Variants in LRCH2 observed in about 807,000 individuals in gnomAD.
LRCH2 encodes leucine-rich repeat and calponin homology domain-containing protein 2.
LRCH2 carries 38 observed loss-of-function variants against 68.9 expected under a neutral mutation model. The ratio of observed to expected loss-of-function variants is 0.55; its 90% confidence interval spans 0.43 to 0.72. The LOEUF (loss-of-function observed/expected upper bound fraction) is 0.72. Ranked by LOEUF, LRCH2 falls within the 30% of genes least tolerant of loss-of-function variation. The pLI is 0.00. For synonymous variants in LRCH2, 191 were observed against 208.1 expected (o/e 0.92, Z 0.71); for missense variants, 528 against 572.9 (o/e 0.92, Z 0.80).
At chrX:115,213,809 A>G (rs1211462689) in intron 1 of LRCH2, among the ~76,000 whole-genome samples, 1 of 111,943 alleles carries the variant, frequency 8.9e-6, no homozygotes, top group East Asian at 2.8e-4. Context: ...TGAATCTACT[A>G]CTACCTATTA....
At chrX:115,118,265 C>T (rs1025382650) in intron 20 of LRCH2, among the ~76,000 whole-genome samples, 26 of 108,882 alleles carry the variant, frequency 2.4e-4, no homozygotes, top group African/African-American at 6.7e-4. Context: ...ATTGATAAAC[C>T]GCTAGCAAGA....
intron 14 of LRCH2, among the ~76,000 whole-genome samples, chrX:115,147,875 G>A (rs994706906): frequency 3.6e-5 from 4 of 110,455 alleles, no homozygotes; most frequent in African/African-American, 1.3e-4. Flanking sequence ...AACATAATAA[G>A]ATCTCACCTC....
At chrX:115,223,297 T>G (rs184639998) in intron 1 of LRCH2, among the ~76,000 whole-genome samples, 14 of 111,646 alleles carry the variant, frequency 1.3e-4, no homozygotes, top group Admixed American at 1.1e-3. Context: ...TCCTTAGACA[T>G]GACACAAAAA....
intron 12 of LRCH2, among the ~76,000 whole-genome samples, chrX:115,154,996 G>A (rs1163728805): frequency 3.6e-5 from 3 of 84,035 alleles, no homozygotes; most frequent in South Asian, 6.8e-4. Context: ...TCTCATCTCC[G>A]CGCCACTGCA....
intron 5 of LRCH2, among the ~76,000 whole-genome samples, chrX:115,173,337 T>C (rs2072619613): frequency 9.0e-6 from 1 of 111,388 alleles, no homozygotes; most frequent in Non-Finnish European, 1.9e-5. Flanking sequence ...TTAGTACTGA[T>C]TAAATTACAA....
chrX:115,119,544 T>C (rs1556525109), intron 20 of LRCH2, among the ~76,000 whole-genome samples: 1 of 69,681 alleles, frequency 1.4e-5, no homozygotes, highest in Admixed American at 1.8e-4. Flanking sequence ...GGAAGAACAT[T>C]CCATGCTCAT....
intron 1 of LRCH2, among the ~76,000 whole-genome samples, chrX:115,227,176 C>A (rs1415627496): frequency 9.1e-6 from 1 of 110,171 alleles, no homozygotes; most frequent in African/African-American, 3.3e-5. Context: ...ATAGTCCAAG[C>A]TACTCAGCAG....
At chrX:115,146,847 T>G (rs1339937851) in intron 14 of LRCH2, among the ~76,000 whole-genome samples, 1 of 103,038 alleles carries the variant, frequency 9.7e-6, no homozygotes, top group Admixed American at 1.1e-4. Flanking sequence ...CTGAAAAAAA[T>G]ACTATCCAAA....
intron 3 of LRCH2, among the ~76,000 whole-genome samples, chrX:115,181,535 T>C (rs1556552717): frequency 2.7e-5 from 3 of 112,310 alleles, no homozygotes; most frequent in African/African-American, 3.2e-5. Context: ...CAGTGGGTGC[T>C]CTACAAAATA....
chrX:115,115,825 G>C (rs1227745876), intron 20 of LRCH2, among the ~76,000 whole-genome samples: 1 of 108,831 alleles, frequency 9.2e-6, no homozygotes, highest in Non-Finnish European at 1.9e-5. Flanking sequence ...TTTGTATCCA[G>C]AATACATAAG....
chrX:115,212,493 T>A (rs896977116), intron 1 of LRCH2, among the ~76,000 whole-genome samples: 5 of 112,020 alleles, frequency 4.5e-5, no homozygotes, highest in African/African-American at 1.6e-4. Context: ...CTTTGGTTTG[T>A]TTCTGTTTTC....
intron 1 of LRCH2, chrX:115,190,913 A>C: frequency 8.6e-7 from 1 of 1,163,938 alleles, no homozygotes; most frequent in Non-Finnish European, 1.1e-6. Context: ...CCCGAGGCCT[A>C]CAGTGGGGGC....
intron 5 of LRCH2, among the ~76,000 whole-genome samples, chrX:115,175,163 T>C (rs1186538165): frequency 5.4e-5 from 6 of 111,778 alleles, no homozygotes; most frequent in African/African-American, 2.0e-4. Context: ...TCATTGAGGT[T>C]CAGAAAATGA....
intron 20 of LRCH2, among the ~76,000 whole-genome samples, chrX:115,117,827 A>T (rs2072096693): frequency 9.0e-6 from 1 of 110,920 alleles, no homozygotes; most frequent in African/African-American, 3.3e-5. Context: ...TTTGGGGGGC[A>T]GTAGATATGT....
intron 5 of LRCH2, among the ~76,000 whole-genome samples, chrX:115,170,805 T>C (rs1207210279): frequency 8.9e-6 from 1 of 111,773 alleles, no homozygotes; most frequent in Admixed American, 9.5e-5. Flanking sequence ...ACAAATAATC[T>C]ATGTGATTCT....
In LRCH2 at chrX:115,207,650, G is replaced by C. The variant is rs1175836959; in HGVS notation, c.350-19280C>G. 7.2e-5 allele frequency among the ~76,000 whole-genome samples: 8 copies of C among 111,681 alleles called. No individual in the cohort carries two copies. The East Asian group carries it at 2.0e-3, about 27-fold the overall frequency. ...CTTCTTAGGCAACAAACAGCACTTG[G>C]GAAAAGACAATTATAAAAATGGTTC... is the stretch of plus-strand genomic sequence containing the variant. On this transcript the variant is annotated intron_variant, in intron 1 of 20. Transcript: ENST00000317135.
chrX:115,233,071 G>A (rs782410933), intron 1 of LRCH2, among the ~76,000 whole-genome samples: 1 of 112,114 alleles, frequency 8.9e-6, no homozygotes, highest in African/African-American at 3.2e-5. Context: ...AAGCAGACAT[G>A]TAAGTGATTG....
intron 1 of LRCH2, chrX:115,189,978 C>T (rs782820825): frequency 6.5e-5 from 76 of 1,162,217 alleles, no homozygotes; most frequent in Middle Eastern, 2.3e-4. Flanking sequence ...GTGGAATGCG[C>T]GGGAAGGCAC....
chrX:115,175,991 T>C (rs1393947098), intron 5 of LRCH2, among the ~76,000 whole-genome samples: 1 of 111,916 alleles, frequency 8.9e-6, no homozygotes, highest in African/African-American at 3.2e-5. Context: ...ACCTGTAGGA[T>C]CTGATGTTAA....
Sources: gnomAD v4.1 joint callset for allele counts (sites outside exome capture counted in the v4.1 genomes callset) on GRCh38, gnomAD v4.1.1 for gene constraint, MANE v1.5 for transcripts, NCBI Gene and HGNC (gene_info 2026-07-23, HGNC 2026-07-21) for gene names.